Variants in FOXJ3 observed in about 807,000 individuals in gnomAD.
FOXJ3 encodes forkhead box protein J3.
FOXJ3 carries 22 observed loss-of-function variants against 76.1 expected under a neutral mutation model. That is an observed-to-expected ratio of 0.29 (90% CI 0.21 to 0.41). FOXJ3 has a LOEUF of 0.41. Among genes scored for constraint, FOXJ3 ranks in the 10% least tolerant of loss-of-function variants. The pLI is 1.00. For missense variants in FOXJ3, 613 were observed against 762.1 expected, an observed-to-expected ratio of 0.80 and a Z score of 2.30; for synonymous variants, 269 against 261.2, an observed-to-expected ratio of 1.03 and a Z score of -0.29.
intron 7 of FOXJ3, 88 bp downstream of exon 7, chr1:42,199,014 A>G: frequency 9.2e-7 from 1 of 1,086,046 alleles, no homozygotes; most frequent in Admixed American, 2.1e-5. Context: ...ACATACCTTC[A>G]TTTTTAAATT....
At chr1:42,195,200 T>A (rs749169299) in intron 7 of FOXJ3, 136 bp from the exon 8 acceptor site, 5 of 606,960 alleles carry the variant, frequency 8.2e-6, no homozygotes, top group Non-Finnish European at 1.3e-5. Flanking sequence ...GGCTTTCCCA[T>A]CCTCTGTTAA....
chr1:42,195,194 T>G, intron 7 of FOXJ3, 130 bp from the exon 8 acceptor site: 1 of 627,212 alleles, frequency 1.6e-6, no homozygotes, highest in South Asian at 3.1e-5. Flanking sequence ...GTCTTAGGCT[T>G]TCCCATCCTC....
intron 1 of FOXJ3, among the ~76,000 whole-genome samples, chr1:42,317,179 A>G (rs1217071906): frequency 2.0e-5 from 3 of 152,194 alleles, no homozygotes; most frequent in Non-Finnish European, 2.9e-5. Context: ...ATTCATGAAG[A>G]AACAACCCCT....
In FOXJ3 at chr1:42,179,496, C is replaced by T; in HGVS notation, c.*214G>A. ...CACAACAGTTAGGAGCTACATAGGG[C>T]AGCTGGCAGGGAGACAAACATGTAG... On this transcript the variant is annotated 3_prime_UTR_variant, in exon 13 of 13. Transcript: ENST00000361346. 2.6e-6 allele frequency: 1 copy of T among 378,464 alleles called. No homozygotes were observed. Among genetic ancestry groups the T allele is most frequent in the Non-Finnish European group, 4.8e-6 (1 of 207,252 alleles). The allele number at this position is 378,464 out of a possible 1,614,324, so 23.4% of individuals were successfully genotyped here. A position where few individuals can be genotyped will look rare whatever the true frequency, so the allele number is the denominator to read the frequency against.
chr1:42,193,280 G>A (rs944853433), intron 8 of FOXJ3, among the ~76,000 whole-genome samples: 1 of 151,888 alleles, frequency 6.6e-6, no homozygotes, highest in Non-Finnish European at 1.5e-5. Context: ...GAAAATCACT[G>A]ATCTAATCCA....
intron 4 of FOXJ3, among the ~76,000 whole-genome samples, chr1:42,255,771 C>T (rs1650536560): frequency 6.6e-6 from 1 of 152,110 alleles, no homozygotes; most frequent in South Asian, 2.1e-4. Context: ...GCCTGTAATC[C>T]CAGCACTTTG....
intron 1 of FOXJ3, among the ~76,000 whole-genome samples, chr1:42,327,810 G>A (rs986848041): frequency 4.6e-5 from 7 of 152,172 alleles, no homozygotes; most frequent in African/African-American, 7.2e-5. Flanking sequence ...TACCACTGAG[G>A]AGGACTCTAG....
At chr1:42,201,818 A>G (rs6700963) in intron 6 of FOXJ3, among the ~76,000 whole-genome samples, 1,737 of 152,310 alleles carry the variant, frequency 0.011, 38 homozygotes, top group African/African-American at 0.04. Flanking sequence ...CTAAATATTT[A>G]TAAGAATTCC....
At chr1:42,265,373 A>T (rs1651385073) in intron 3 of FOXJ3, among the ~76,000 whole-genome samples, 184 bp from the exon 4 acceptor site, 1 of 152,192 alleles carries the variant, frequency 6.6e-6, no homozygotes, top group South Asian at 2.1e-4. Flanking sequence ...CTATGAGGGG[A>T]AGCTGTTACT....
At chr1:42,235,594 A>C (rs1648554616) in intron 4 of FOXJ3, among the ~76,000 whole-genome samples, 1 of 148,114 alleles carries the variant, frequency 6.8e-6, no homozygotes, top group African/African-American at 2.5e-5. Flanking sequence ...ACAGAATCTC[A>C]CTCTGTCAGC....
Position 42,302,902 on chromosome 1 carries a change from T to TA in FOXJ3, c.44+8147dup, listed in dbSNP as rs548894969. On this transcript the variant is annotated intron_variant, in intron 2 of 12. Coordinates refer to ENST00000361346, the MANE Select transcript of FOXJ3 (RefSeq NM_014947.5). ...TCAAAATTTCTCCATCTCCCTGAAATAAAAAAAAAAACCTCCTGTCTTTTG... is the reference window on the plus strand; with the variant it reads ...TCAAAATTTCTCCATCTCCCTGAAATAAAAAAAAAAAACCTCCTGTCTTTTG... Among the ~76,000 whole-genome samples the TA allele has an allele frequency of 2.1e-3, 297 of 141,592 alleles. 1 individual carries two copies. The highest frequency in any genetic ancestry group is 4.9e-3 in the African/African-American group (188 of 38,648). The allele number at this position is 141,592 out of a possible 152,430, so 92.9% of individuals were successfully genotyped here. A position where few individuals can be genotyped will look rare whatever the true frequency, so the allele number is the denominator to read the frequency against.
intron 4 of FOXJ3, among the ~76,000 whole-genome samples, chr1:42,248,154 G>A (rs1276057114): frequency 6.6e-6 from 1 of 152,158 alleles, no homozygotes; most frequent in Non-Finnish European, 1.5e-5. Context: ...CTTTTTGGGA[G>A]GGATGAAATG....
At chr1:42,216,411 G>A (rs921387742) in intron 5 of FOXJ3, among the ~76,000 whole-genome samples, 4 of 151,626 alleles carry the variant, frequency 2.6e-5, no homozygotes, top group Admixed American at 6.6e-5. Context: ...CCAGCTACTC[G>A]GGAGGCTGAG....
chr1:42,295,872 C>T (rs1653756143), intron 2 of FOXJ3, among the ~76,000 whole-genome samples: 1 of 152,054 alleles, frequency 6.6e-6, no homozygotes, highest in East Asian at 1.9e-4. Context: ...GGGCAGATAC[C>T]CCCAGTAGTG....
intron 2 of FOXJ3, among the ~76,000 whole-genome samples, chr1:42,283,842 A>G (rs1402201164): frequency 1.3e-5 from 2 of 152,174 alleles, no homozygotes. Flanking sequence ...TTGCCACTTA[A>G]TATCTGTTCT....
At chr1:42,312,191 A>T (rs979940564) in intron 1 of FOXJ3, among the ~76,000 whole-genome samples, 2 of 152,186 alleles carry the variant, frequency 1.3e-5, no homozygotes, top group Admixed American at 1.3e-4. Flanking sequence ...AAACAAAAAA[A>T]TCCAAAATTT....
chr1:42,192,780 GATA>G (rs1342756973), intron 8 of FOXJ3, among the ~76,000 whole-genome samples: 1 of 148,760 alleles, frequency 6.7e-6, no homozygotes, highest in Non-Finnish European at 1.5e-5. Flanking sequence ...AAAAACACAA[GATA>G]ATATCAATCA....
At chr1:42,183,981 C>A (rs983134283) in intron 11 of FOXJ3, among the ~76,000 whole-genome samples, 3 of 152,056 alleles carry the variant, frequency 2.0e-5, no homozygotes, top group Admixed American at 2.0e-4. Context: ...GAACTGACCT[C>A]TTTGACTGAC....
intron 2 of FOXJ3, among the ~76,000 whole-genome samples, chr1:42,286,602 T>C (rs1557700364): frequency 2.6e-5 from 4 of 152,198 alleles, no homozygotes. Flanking sequence ...AAGTTAATAT[T>C]AATATGAAGT....
Sources: gnomAD v4.1 joint callset for allele counts (sites outside exome capture counted in the v4.1 genomes callset) on GRCh38, gnomAD v4.1.1 for gene constraint, MANE v1.5 for transcripts, NCBI Gene and HGNC (gene_info 2026-07-23, HGNC 2026-07-21) for gene names.